Variants in SLC38A6 observed in about 807,000 individuals in gnomAD.
SLC38A6 encodes the protein N system amino acid transporter NAT-1.
In SLC38A6, 73 loss-of-function variants were observed where a neutral mutation model predicts 65.0. The observed-to-expected ratio is 1.12, with a 90% CI of 0.93 to 1.37. SLC38A6 has a LOEUF of 1.37. SLC38A6 is among the 40% of genes most tolerant of loss of function. SLC38A6 has a pLI of 0.00. For synonymous variants in SLC38A6, 183 were observed against 178.8 expected (o/e 1.02, Z -0.19); for missense variants, 561 against 531.1 (o/e 1.06, Z -0.55).
chr14:61,039,700 T>G (rs1399383561), intron 8 of SLC38A6, among the ~76,000 whole-genome samples: 4 of 152,046 alleles, frequency 2.6e-5, no homozygotes, highest in African/African-American at 9.7e-5. Context: ...CTCTGAATGT[T>G]ATCTTTTAAA....
At chr14:61,071,566 G>A (rs1037806778) in intron 15 of SLC38A6, among the ~76,000 whole-genome samples, 7 of 151,908 alleles carry the variant, frequency 4.6e-5, no homozygotes, top group East Asian at 3.9e-4. Context: ...GCCATAGTCC[G>A]AGCTACTTGC....
intron 3 of SLC38A6, among the ~76,000 whole-genome samples, chr14:61,013,553 T>C (rs2039750612): frequency 1.3e-5 from 2 of 152,244 alleles, no homozygotes; most frequent in Admixed American, 1.3e-4. Flanking sequence ...TAGTGCTTCC[T>C]TCAGGAGCTC....
At chr14:61,066,068 A>G (rs11850675) in intron 15 of SLC38A6, among the ~76,000 whole-genome samples, 3 of 152,180 alleles carry the variant, frequency 2.0e-5, no homozygotes, top group Non-Finnish European at 4.4e-5. Flanking sequence ...ACTTCCTGCA[A>G]ATTTTTCTGC....
Position 61,047,118 on chromosome 14 carries a change from C to T in SLC38A6, c.925+951C>T, listed in dbSNP as rs910309259. On this transcript the variant is annotated intron_variant, in intron 12 of 15. Coordinates refer to ENST00000267488, the MANE Select transcript of SLC38A6 (RefSeq NM_153811.3). Reference sequence around the variant, plus strand: ...TTCTTTTATTAAAATTGCTACCTGGCACAAACACTATTATATTTAGGGATC... The same window carrying T: ...TTCTTTTATTAAAATTGCTACCTGGTACAAACACTATTATATTTAGGGATC... Among the ~76,000 whole-genome samples the T allele has an allele frequency of 5.9e-5, 9 of 152,166 alleles. No individual in the cohort carries two copies. The South Asian group carries it at 1.9e-3, about 32-fold the overall frequency.
rs527569597 is a variant in SLC38A6 at position 61,018,083 on chromosome 14, A to AG, written c.364-1456dup. Among the ~76,000 whole-genome samples the AG allele has an allele frequency of 1.8e-3, 281 of 152,332 alleles. 1 individual carries two copies. Among genetic ancestry groups the AG allele is most frequent in the African/African-American group, 6.5e-3 (271 of 41,580 alleles). On this transcript the variant is annotated intron_variant, in intron 4 of 15. Transcript: ENST00000267488. The stretch of plus-strand genomic sequence containing the variant: ...GCATTAAAAATATAAGTAGGTAGGC[A>AG]GGTGGGTAGATAGATAGATATTCTA...
At chr14:60,982,386 G>T (rs566490536) in intron 1 of SLC38A6, 122 bp from the exon 2 acceptor site, 1 of 1,241,004 alleles carries the variant, frequency 8.1e-7, no homozygotes, top group East Asian at 2.4e-5. Flanking sequence ...AGCAACGAGT[G>T]TGTCATACAA....
chr14:61,032,776 G>C (rs1309143431), intron 6 of SLC38A6, among the ~76,000 whole-genome samples: 2 of 151,796 alleles, frequency 1.3e-5, no homozygotes, highest in Non-Finnish European at 2.9e-5. Context: ...ATCCATAAAG[G>C]ACAGTTTTTT....
intron 3 of SLC38A6, among the ~76,000 whole-genome samples, chr14:61,007,527 A>G (rs1203576817): frequency 6.6e-6 from 1 of 152,174 alleles, no homozygotes; most frequent in Non-Finnish European, 1.5e-5. Flanking sequence ...CTGTGGTCCC[A>G]GCAACTCCAG....
chr14:60,999,885 G>A (rs147563818), intron 3 of SLC38A6, among the ~76,000 whole-genome samples: 2 of 152,150 alleles, frequency 1.3e-5, no homozygotes, highest in Non-Finnish European at 2.9e-5. Context: ...CGTGAAACTG[G>A]TTTTGGATTT....
At chr14:60,984,627 TC>T in intron 2 of SLC38A6, 102 bp from the exon 3 acceptor site, 1 of 858,536 alleles carries the variant, frequency 1.2e-6, no homozygotes, top group Non-Finnish European at 2.0e-6. Flanking sequence ...CAGAGATAGT[TC>T]CTGTGAATAT....
intron 5 of SLC38A6, among the ~76,000 whole-genome samples, chr14:61,025,244 G>T (rs1274084531): frequency 6.6e-6 from 1 of 152,122 alleles, no homozygotes; most frequent in East Asian, 1.9e-4. Context: ...CTCAGTATTT[G>T]AAAAATTCAC....
chr14:60,984,005 AT>A (rs1355082833), intron 2 of SLC38A6, among the ~76,000 whole-genome samples: 3 of 152,150 alleles, frequency 2.0e-5, no homozygotes, highest in East Asian at 3.9e-4. Context: ...CAGAGAGAAA[AT>A]TTCTTCAATG....
At chr14:61,020,871 A>G (rs1454442381) in intron 5 of SLC38A6, among the ~76,000 whole-genome samples, 1 of 152,168 alleles carries the variant, frequency 6.6e-6, no homozygotes, top group East Asian at 1.9e-4. Context: ...TCTAAGAACT[A>G]TCACATATTG....
At chr14:61,017,596 A>G (rs1045128887) in intron 4 of SLC38A6, among the ~76,000 whole-genome samples, 2 of 152,242 alleles carry the variant, frequency 1.3e-5, no homozygotes, top group Non-Finnish European at 2.9e-5. Flanking sequence ...CACAATTAAT[A>G]TAACATAACC....
intron 5 of SLC38A6, among the ~76,000 whole-genome samples, chr14:61,028,079 C>T (rs1594645541): frequency 6.6e-6 from 1 of 151,484 alleles, no homozygotes; most frequent in African/African-American, 2.4e-5. Context: ...GTTGAGGGTA[C>T]AACAAAGGAT....
Position 61,050,533 on chromosome 14 carries a change from TA to T in SLC38A6, c.951del (p.Gly318ValfsTer13). ...TFYDKVESEL[L>X]KGYSKYLSHD... is the part of the protein sequence containing the mutation. ...ACAGACAAAGTGGAGTCAGAATTAC[TA>T]AAAGGTTATAGTAAATACTTATCAC... On this transcript the variant is annotated frameshift_variant, in exon 13 of 16. Coordinates refer to ENST00000267488, the MANE Select transcript of SLC38A6 (RefSeq NM_153811.3). LOFTEE classifies it high-confidence loss of function. 1 of 1,554,940 alleles carries T rather than the reference TA, an allele frequency of 6.4e-7. No individual in the cohort carries two copies. The highest frequency in any genetic ancestry group is 8.8e-7 in the Non-Finnish European group (1 of 1,136,012).
chr14:60,994,709 A>G (rs561763599), intron 3 of SLC38A6, among the ~76,000 whole-genome samples: 1 of 149,774 alleles, frequency 6.7e-6, no homozygotes, highest in Admixed American at 6.6e-5. Flanking sequence ...CGTCTCAAAA[A>G]AAAAAAAAAA....
In SLC38A6 at chr14:61,070,248, C is replaced by A. The variant is rs182152764; in HGVS notation, c.1291-8562C>A. Among the ~76,000 whole-genome samples the A allele has an allele frequency of 5.0e-3, 769 of 152,342 alleles. 12 individuals carry two copies. The highest frequency in any genetic ancestry group is 0.017 in the African/African-American group (720 of 41,584). On this transcript the variant is annotated intron_variant, in intron 15 of 16. Transcript: ENST00000354886. ...GCAGTCCCTGGCAACTGCCATTTTA[C>A]TTTTTGCTTCTATGAGTTTGACTGC...
chr14:61,012,980 G>C (rs1460307881), intron 3 of SLC38A6, among the ~76,000 whole-genome samples: 1 of 152,144 alleles, frequency 6.6e-6, no homozygotes, highest in Non-Finnish European at 1.5e-5. Flanking sequence ...TGTTAACAGT[G>C]GGGTGTTAAA....
Sources: allele counts gnomAD v4.1 joint callset (sites outside exome capture counted in the v4.1 genomes callset), GRCh38; gene constraint gnomAD v4.1.1; transcripts MANE v1.5; gene names NCBI Gene and HGNC (gene_info 2026-07-23, HGNC 2026-07-21).